CCDC32: variants seen among roughly 807,000 people sequenced by gnomAD.
CCDC32 encodes the protein coiled-coil domain-containing protein 32.
A neutral mutation model predicts 20.1 loss-of-function variants in CCDC32; 9 were observed. That is an observed-to-expected ratio of 0.45 (90% CI 0.27 to 0.78). The LOEUF (loss-of-function observed/expected upper bound fraction) is 0.78. Ranked by LOEUF, CCDC32 falls within the 30% of genes least tolerant of loss-of-function variation. The pLI, the probability that CCDC32 is intolerant of heterozygous loss-of-function variation, is 0.16. For missense variants in CCDC32, 204 were observed against 215.5 expected (o/e 0.95, Z 0.33); for synonymous variants, 63 against 79.0 (o/e 0.80, Z 1.07).
At chr15:40,533,644 T>C (rs1555413516), downstream of CCDC32, among the ~76,000 whole-genome samples, 1 of 152,066 alleles carries the variant, frequency 6.6e-6, no homozygotes, top group Non-Finnish European at 1.5e-5. Flanking sequence ...TGCCTGGCCA[T>C]TGTCCTGCAT....
chr15:40,533,618 C>T (rs1300295320), downstream of CCDC32, among the ~76,000 whole-genome samples: 1 of 152,144 alleles, frequency 6.6e-6, no homozygotes, highest in South Asian at 2.1e-4. Flanking sequence ...GCTGGGATTA[C>T]AGGCATGAGC....
At chr15:40,535,276 G>A, downstream of CCDC32, 4 of 1,343,508 alleles carry the variant, frequency 3.0e-6, no homozygotes, top group Non-Finnish European at 3.8e-6. Context: ...AAATGAAACA[G>A]CCCAAACTGT....
chr15:40,553,825 T>C lies in CCDC32; in HGVS notation c.*146A>G. The C allele has an allele frequency of 7.2e-7, 1 of 1,389,438 alleles. No individual in the cohort carries two copies. The highest frequency in any genetic ancestry group is 2.9e-5 in the Admixed American group (1 of 34,466). The allele number at this position is 1,389,438 out of a possible 1,614,324, so 86.1% of individuals were successfully genotyped here. A position where few individuals can be genotyped will look rare whatever the true frequency, so the allele number is the denominator to read the frequency against. ...TTTCTTTGTGGAGTGGAAATTTGGGTTTTTTCCTTCAGTGGATTTCTCCCT... is the reference window on the plus strand; with the variant it reads ...TTTCTTTGTGGAGTGGAAATTTGGGCTTTTTCCTTCAGTGGATTTCTCCCT... On this transcript the variant is annotated 3_prime_UTR_variant, in exon 4 of 4. Coordinates refer to ENST00000416810, the MANE Select transcript of CCDC32 (RefSeq NM_001080792.4).
chr15:40,546,052 C>G (rs1889604855), intron 3 of CCDC32, among the ~76,000 whole-genome samples: 1 of 152,092 alleles, frequency 6.6e-6, no homozygotes, highest in Admixed American at 6.6e-5. Context: ...TGTTTTAGTT[C>G]AGAGAATTTT....
chr15:40,534,815 A>G (rs1889039056), downstream of CCDC32: 2 of 691,062 alleles, frequency 2.9e-6, no homozygotes, highest in Non-Finnish European at 5.3e-6. Context: ...ATACCATCAC[A>G]TCAGGATTAG....
downstream of CCDC32, among the ~76,000 whole-genome samples, chr15:40,550,373 T>C (rs985504318): frequency 7.2e-5 from 11 of 152,228 alleles, no homozygotes; most frequent in Non-Finnish European, 1.3e-4. Flanking sequence ...CTGGAGTTCC[T>C]TGGAGTTTTC....
intron 3 of CCDC32, chr15:40,556,993 C>T (rs75225750): frequency 4.6e-6 from 1 of 218,788 alleles, no homozygotes; most frequent in Non-Finnish European, 7.7e-6. Flanking sequence ...AATTCAAGAA[C>T]ATGAGAGACT....
intron 3 of CCDC32, among the ~76,000 whole-genome samples, chr15:40,542,854 GAA>G (rs879726712): frequency 1.7e-5 from 2 of 116,636 alleles, no homozygotes; most frequent in African/African-American, 3.1e-5. Flanking sequence ...TGTCTCAAAA[GAA>G]AAAAAAAAAA....
intron 1 of CCDC32, among the ~76,000 whole-genome samples, chr15:40,564,253 A>G (rs1161154170): frequency 6.6e-6 from 1 of 152,198 alleles, no homozygotes; most frequent in Admixed American, 6.5e-5. Flanking sequence ...CAGCGCATGC[A>G]GTTCAGCCGT....
intron 3 of CCDC32, among the ~76,000 whole-genome samples, chr15:40,541,490 C>A (rs1889392641): frequency 6.6e-6 from 1 of 152,166 alleles, no homozygotes; most frequent in South Asian, 2.1e-4. Context: ...ACACCACCAA[C>A]CCGGCTAATT....
downstream of CCDC32, among the ~76,000 whole-genome samples, chr15:40,551,809 C>CTAAA (rs1889881739): frequency 1.0e-5 from 1 of 96,386 alleles, no homozygotes; most frequent in Non-Finnish European, 1.9e-5. Flanking sequence ...GACCCTGTCT[C>CTAAA]AAAAAAAAAA....
chr15:40,535,732 A>G, downstream of CCDC32: 1 of 798,272 alleles, frequency 1.3e-6, no homozygotes, highest in Non-Finnish European at 1.5e-6. Context: ...TTATTTAATC[A>G]TTCGTTCATC....
the CCDC32 span, among the ~76,000 whole-genome samples, chr15:40,522,922 G>A: frequency 6.6e-6 from 1 of 151,436 alleles, no homozygotes; most frequent in Non-Finnish European, 1.5e-5. Context: ...GGTCTCCAGG[G>A]TTCAAGCGAT....
intron 3 of CCDC32, among the ~76,000 whole-genome samples, chr15:40,543,354 G>A (rs954420660): frequency 4.6e-5 from 7 of 152,190 alleles, no homozygotes; most frequent in African/African-American, 1.4e-4. Context: ...CCACCATCTC[G>A]TGACCAACCA....
chr15:40,532,204 G>C (rs1888902390), downstream of CCDC32: 7 of 681,680 alleles, frequency 1.0e-5, no homozygotes, highest in Non-Finnish European at 1.6e-5. Context: ...CAAGGGATAG[G>C]TTTTGTGCGT....
intron 3 of CCDC32, among the ~76,000 whole-genome samples, chr15:40,546,523 C>T (rs1231000373): frequency 6.6e-6 from 1 of 151,878 alleles, no homozygotes; most frequent in Non-Finnish European, 1.5e-5. Flanking sequence ...ATGTCTCTGC[C>T]AAAATTCCCT....
chr15:40,561,576 T>TA (rs1890637928), intron 2 of CCDC32, among the ~76,000 whole-genome samples: 1 of 151,594 alleles, frequency 6.6e-6, no homozygotes, highest in Non-Finnish European at 1.5e-5. Context: ...GGGTGAGGGA[T>TA]AAAAAACTAC....
intron 3 of CCDC32, among the ~76,000 whole-genome samples, chr15:40,554,983 C>T (rs191343554): frequency 2.6e-5 from 4 of 152,320 alleles, no homozygotes; most frequent in African/African-American, 9.6e-5. Context: ...GATTTCTCAG[C>T]CCATTACTCC....
At chr15:40,530,291 CAAA>C (rs3068017), downstream of CCDC32, among the ~76,000 whole-genome samples, 14 of 99,538 alleles carry the variant, frequency 1.4e-4, no homozygotes, top group African/African-American at 5.4e-4. Context: ...AACTACATCT[CAAA>C]AAAAAAAAAA....
Sources: allele counts gnomAD v4.1 joint callset (sites outside exome capture counted in the v4.1 genomes callset), GRCh38; gene constraint gnomAD v4.1.1; transcripts MANE v1.5; gene names NCBI Gene and HGNC (gene_info 2026-07-23, HGNC 2026-07-21).